Variants in HERC2 observed in about 807,000 individuals in gnomAD.
HERC2 encodes the protein E3 ubiquitin-protein ligase HERC2.
A neutral mutation model predicts 537.7 loss-of-function variants in HERC2; 102 were observed. That is an observed-to-expected ratio of 0.19 (90% confidence interval 0.16 to 0.22). The LOEUF is 0.22. HERC2 is among the 10% of genes least tolerant of loss of function. The pLI, the probability that HERC2 is intolerant of heterozygous loss-of-function variation, is 1.00. For missense variants in HERC2, 4,236 were observed against 6,198.2 expected, an observed-to-expected ratio of 0.68 and a Z score of 10.63; for synonymous variants, 2,224 against 2,466.2, an observed-to-expected ratio of 0.90 and a Z score of 2.91.
In HERC2 at chr15:28,233,233, T is replaced by C. The variant is rs750754891; in HGVS notation, c.4588A>G (p.Ile1530Val). Reference sequence around the variant, plus strand: ...CTTAACAATTTAAACTTAGACATTATAGAGAGGTCATTACAAACAGCAGGT... The same window carrying C: ...CTTAACAATTTAAACTTAGACATTACAGAGAGGTCATTACAAACAGCAGGT... Reference protein sequence around the residue: ...LRPAVCNDLSIMSKFKLLSSL... With the variant: ...LRPAVCNDLSVMSKFKLLSSL... Residue 1530 changes from isoleucine (I) to valine (V), a missense_variant, in exon 30 of 93, where the codon ATA becomes GTA. By Grantham distance (29) the Ile-to-Val change is conservative. Around this residue, in one of 27 missense-constraint regions of HERC2, gnomAD observed 343 missense variants for 417.2 expected, o/e 0.82. Transcript: ENST00000261609. The C allele has an allele frequency of 6.9e-6, 11 of 1,604,048 alleles. No homozygotes were observed. The highest frequency in any genetic ancestry group is 6.8e-6 in the Non-Finnish European group (8 of 1,173,214).
intron 3 of HERC2, among the ~76,000 whole-genome samples, chr15:28,294,214 C>A (rs948453438): frequency 2.6e-5 from 4 of 151,878 alleles, no homozygotes; most frequent in African/African-American, 9.7e-5. Flanking sequence ...TAGCACAGAC[C>A]CCACAGGTTA....
At chr15:28,161,887 C>T (rs759455273) in intron 69 of HERC2, among the ~76,000 whole-genome samples, 4 of 152,052 alleles carry the variant, frequency 2.6e-5, no homozygotes, top group Non-Finnish European at 5.9e-5. Flanking sequence ...TTTAAATCAC[C>T]AGGGAAAAGA....
At chr15:28,194,063 T>C (rs1897102943) in intron 52 of HERC2, among the ~76,000 whole-genome samples, 1 of 150,672 alleles carries the variant, frequency 6.6e-6, no homozygotes, top group African/African-American at 2.4e-5. Context: ...GTTTGATCCT[T>C]TGACCTTTTT....
chr15:28,143,787 C>T (rs1891465601), intron 74 of HERC2, 86 bp downstream of exon 74: 2 of 1,534,562 alleles, frequency 1.3e-6, no homozygotes, highest in East Asian at 4.5e-5. Flanking sequence ...CAACTCCTCT[C>T]AACGATTTAG....
rs2075462194 is a variant in HERC2, at chr15:28,263,254, A to C, written c.1871-85T>G. ...ATGACTGCAAATAATATAATGAAAA[A>C]CGCACACTAATCTAGACCACTCAGG... On this transcript the variant is annotated intron_variant, in intron 14 of 92. Coordinates refer to ENST00000261609, the MANE Select transcript of HERC2 (RefSeq NM_004667.6). The C allele has an allele frequency of 8.9e-6, 13 of 1,454,428 alleles. No homozygotes were observed. The South Asian group carries it at 1.6e-4, about 18-fold the overall frequency. 90.1% of individuals were successfully genotyped at this position (1,454,428 alleles called of 1,614,324 possible).
chr15:28,251,571 C>T (rs1438163154), intron 20 of HERC2, among the ~76,000 whole-genome samples: 3 of 152,042 alleles, frequency 2.0e-5, no homozygotes, highest in African/African-American at 7.2e-5. Context: ...GAGGCCAAGG[C>T]GGGCAGATTA....
At chr15:28,195,297 A>G (rs1259521479) in intron 52 of HERC2, among the ~76,000 whole-genome samples, 1 of 151,768 alleles carries the variant, frequency 6.6e-6, no homozygotes, top group Non-Finnish European at 1.5e-5. Context: ...AATAATTAAA[A>G]AACAAATAGA....
At position 28,135,550 on chromosome 15, in the gene HERC2, G is replaced by A. The variant is rs1890550501; in HGVS notation, c.12158C>T (p.Ala4053Val). Residue 4053 changes from alanine (A) to valine (V), a missense_variant, in exon 79 of 93, where the codon GCC becomes GTC. Coordinates refer to ENST00000261609, the MANE Select transcript of HERC2 (RefSeq NM_004667.6). ...GTAAACTTCTCCTTCTGAAGACAGG[G>A]CAAGGCAGTGCTTTCCTCCAGAGTT... Reference protein sequence around the residue: ...AVNSGGKHCLALSSEGEVYSW... With the variant: ...AVNSGGKHCLVLSSEGEVYSW... The A allele has an allele frequency of 1.9e-6, 3 of 1,614,158 alleles. No homozygotes were observed. The highest frequency in any genetic ancestry group is 2.5e-6 in the Non-Finnish European group (3 of 1,180,014).
At position 28,132,164 on chromosome 15, in the gene HERC2, C is replaced by G; in HGVS notation, c.12506G>C (p.Trp4169Ser). 1 of 1,613,882 alleles carries G rather than the reference C, an allele frequency of 6.2e-7. No homozygotes were observed. Among genetic ancestry groups the G allele is most frequent in the Non-Finnish European group, 8.5e-7 (1 of 1,179,844 alleles). The change falls in exon 81 of 93, where the codon TGG (tryptophan) becomes TCG (serine). Residue 4169 changes from tryptophan (W) to serine (S), a missense_variant. Transcript: ENST00000261609. ...CLTDDDTVWS[W>S]GDGDYGKLGR... ...GAGCTTGCCGTAGTCCCCGTCCCCCCAGGACCAGACAGTGTCGTCATCTGT... is the reference window on the plus strand; with the variant it reads ...GAGCTTGCCGTAGTCCCCGTCCCCCGAGGACCAGACAGTGTCGTCATCTGT...
At chr15:28,245,756 T>G (rs943458659) in intron 23 of HERC2, 125 bp downstream of exon 23, 1 of 864,472 alleles carries the variant, frequency 1.2e-6, no homozygotes, top group African/African-American at 1.7e-5. Flanking sequence ...ATTTTTTACT[T>G]ATACTACCAT....
chr15:28,191,278 A>G, intron 53 of HERC2, 34 bp from the exon 54 acceptor site: 1 of 1,357,038 alleles, frequency 7.4e-7, no homozygotes, highest in Non-Finnish European at 1.0e-6. Context: ...ATTCTCAGTT[A>G]GCAAAATTCA....
At position 28,182,382 on chromosome 15, in the gene HERC2, C is replaced by T; in HGVS notation, c.8937+19G>A. On this transcript the variant is annotated intron_variant, in intron 57 of 92. Coordinates refer to ENST00000261609, the MANE Select transcript of HERC2 (RefSeq NM_004667.6). ...TGCCGAGTGCCCCACCCTGCTGGGTCCCAGGGAGCAGGCCGTACCTTGGAG... is the reference window on the plus strand; with the variant it reads ...TGCCGAGTGCCCCACCCTGCTGGGTTCCAGGGAGCAGGCCGTACCTTGGAG... 5.7e-6 allele frequency: 9 copies of T among 1,566,698 alleles called. No individual in the cohort carries two copies. Among genetic ancestry groups the T allele is most frequent in the South Asian group, 1.1e-5 (1 of 90,108 alleles).
chr15:28,235,477 C>T (rs1337223635), intron 26 of HERC2, among the ~76,000 whole-genome samples: 1 of 152,164 alleles, frequency 6.6e-6, no homozygotes, highest in Non-Finnish European at 1.5e-5. Flanking sequence ...CAGCACCCAG[C>T]ACTGCACAAA....
chr15:28,298,558 G>C (rs2076534065), intron 3 of HERC2: 1 of 151,800 alleles, frequency 6.6e-6, no homozygotes, highest in African/African-American at 2.4e-5. Flanking sequence ...CACTTTGGGA[G>C]GCTGAGGCGG....
At chr15:28,204,958 A>G (rs940534093) in intron 45 of HERC2, among the ~76,000 whole-genome samples, 11 of 152,156 alleles carry the variant, frequency 7.2e-5, no homozygotes, top group Non-Finnish European at 1.5e-4. Flanking sequence ...AAAGTTTCCA[A>G]ATTTGGTAGG....
chr15:28,164,365 C>A (rs1260015496), intron 68 of HERC2, among the ~76,000 whole-genome samples: 1 of 152,184 alleles, frequency 6.6e-6, no homozygotes, highest in Non-Finnish European at 1.5e-5. Flanking sequence ...AGGTTCCTCT[C>A]CCTTTTGGGA....
At chr15:28,143,736 G>T in intron 74 of HERC2, 137 bp downstream of exon 74, 3 of 1,092,638 alleles carry the variant, frequency 2.7e-6, no homozygotes, top group Non-Finnish European at 2.7e-6. Flanking sequence ...ATGAGCCACC[G>T]CGCCCGGTCC....
chr15:28,250,077 A>T (rs889677061), intron 20 of HERC2, among the ~76,000 whole-genome samples: 21 of 125,088 alleles, frequency 1.7e-4, no homozygotes, highest in African/African-American at 6.4e-4. Context: ...TTGAGCCAGG[A>T]GCACAGGTGG....
chr15:28,258,907 G>A (rs1029307387), intron 16 of HERC2, among the ~76,000 whole-genome samples: 4 of 152,062 alleles, frequency 2.6e-5, no homozygotes, highest in Admixed American at 6.5e-5. Context: ...GGACATCACC[G>A]CAGGCCCCAC....
Sources: gnomAD v4.1 joint callset for allele counts (sites outside exome capture counted in the v4.1 genomes callset) on GRCh38, gnomAD v4.1.1 for gene constraint, gnomAD v4.1.1 regional missense constraint, MANE v1.5 for transcripts, NCBI Gene and HGNC (gene_info 2026-07-23, HGNC 2026-07-21) for gene names.